Variants in ZNF397 observed in about 807,000 individuals in gnomAD.
ZNF397 encodes zinc finger and SCAN domain-containing protein 15.
In ZNF397, 38 loss-of-function variants were observed where a neutral mutation model predicts 50.6. The observed-to-expected ratio is 0.75, with a 90% CI of 0.58 to 0.98. The LOEUF (loss-of-function observed/expected upper bound fraction) is 0.98, where lower values mean the gene tolerates loss of function less well. ZNF397 is among the 50% of genes least tolerant of loss of function. The pLI is 0.00. For synonymous variants in ZNF397, 228 were observed against 215.2 expected (o/e 1.06, Z -0.52); for missense variants, 624 against 624.1 (o/e 1.00, Z 0.00).
At chr18:35,254,459 C>T, downstream of ZNF397, 1 of 1,605,540 alleles carries the variant, frequency 6.2e-7, no homozygotes, top group Non-Finnish European at 8.5e-7. Context: ...AACACAAACT[C>T]AATGAAATAG....
At chr18:35,245,126 T>C (rs886300302) in intron 3 of ZNF397, 136 bp from the exon 4 acceptor site, 51 of 1,149,010 alleles carry the variant, frequency 4.4e-5, no homozygotes, top group Non-Finnish European at 5.8e-5. Context: ...AGACCCTCTT[T>C]TGGCCAGTTG....
intron 3 of ZNF397, 100 bp from the exon 4 acceptor site, chr18:35,245,162 A>G: frequency 7.1e-7 from 1 of 1,412,432 alleles, no homozygotes; most frequent in Non-Finnish European, 9.3e-7. Flanking sequence ...GAGGACAGTG[A>G]CATCTTTGTA....
chr18:35,242,978 A>G (rs1055950196), intron 2 of ZNF397, 94 bp downstream of exon 2: 5 of 1,500,118 alleles, frequency 3.3e-6, no homozygotes, highest in Non-Finnish European at 3.6e-6. Flanking sequence ...TTATGTCTCT[A>G]CTGAACCCTA....
chr18:35,243,408 T>C (rs1347888193), intron 3 of ZNF397, 115 bp downstream of exon 3: 1 of 1,501,940 alleles, frequency 6.7e-7, no homozygotes, highest in Admixed American at 1.7e-5. Flanking sequence ...TTTATTATTC[T>C]AAACCAGAGG....
rs768974208 is a variant in ZNF397 at position 35,246,046 on chromosome 18, T to C, written c.1341T>C (p.His447=). The C allele has an allele frequency of 4.5e-6, 7 of 1,564,164 alleles. No homozygotes were observed. Among genetic ancestry groups the C allele is most frequent in the African/African-American group, 4.1e-5 (3 of 73,294 alleles). ...SSELITHQRI[H]SGEKPYECSE... is the part of the protein sequence containing the mutation. ...AGCTGATTACTCATCAGAGAATACA[T>C]AGTGGAGAGAAACCCTATGAATGTA... Residue 447 remains histidine, a synonymous_variant, in exon 4 of 4, where the codon CAT becomes CAC. Transcript: ENST00000330501.
In ZNF397 at chr18:35,245,278, AAC is replaced by A; in HGVS notation, c.575_576del (p.Thr192SerfsTer24). On this transcript the variant is annotated frameshift_variant, in exon 4 of 4. Transcript: ENST00000330501. LOFTEE classifies it high-confidence loss of function. The part of the protein sequence containing the change: ...SPKSDCENSE[T>X]ATKEGISEEK... ...TTGTTTCAGATTGTGAGAACAGTGA[AAC>A]AGCAACAAAAGAGGGCATCTCAGAA... The A allele has an allele frequency of 6.2e-7, 1 of 1,603,908 alleles. No homozygotes were observed. The highest frequency in any genetic ancestry group is 8.5e-7 in the Non-Finnish European group (1 of 1,173,558).
chr18:35,246,632 G>C lies in ZNF397; in HGVS notation c.*322G>C, dbSNP rs1459295670. The stretch of plus-strand genomic sequence containing the variant: ...TCATGAATATAGCAACCCAGGCTCT[G>C]TCACTGCATCTGATTGTTAGTGTGC... On this transcript the variant is annotated 3_prime_UTR_variant, in exon 4 of 4. Transcript: ENST00000330501. 3 of 1,063,388 alleles carry C rather than the reference G, an allele frequency of 2.8e-6. No individual in the cohort carries two copies. Among genetic ancestry groups the C allele is most frequent in the African/African-American group, 3.4e-5 (2 of 58,834 alleles). The allele number at this position is 1,063,388 out of a possible 1,614,324, so 65.9% of individuals were successfully genotyped here. A position where few individuals can be genotyped will look rare whatever the true frequency, so the allele number is the denominator to read the frequency against.
In ZNF397 at chr18:35,245,314, A is replaced by G; in HGVS notation, c.609A>G (p.Ser203=). ...ATKEGISEEK[S]QGLPQEPSFR... is the part of the protein sequence containing the mutation. ...AAGAGGGCATCTCAGAAGAAAAATC[A>G]CAGGGACTCCCTCAGGAACCTTCAT... The change falls in exon 4 of 4, where the codon TCA becomes TCG. Residue 203 remains serine (S), a synonymous_variant. Transcript: ENST00000330501. 3.1e-6 allele frequency: 5 copies of G among 1,612,670 alleles called. No individual in the cohort carries two copies. Among genetic ancestry groups the G allele is most frequent in the Non-Finnish European group, 4.2e-6 (5 of 1,179,082 alleles).
Position 35,246,151 on chromosome 18 carries a change from G to A in ZNF397, c.1446G>A (p.Gln482=). Residue 482 remains glutamine, a synonymous_variant, in exon 4 of 4, where the codon CAG becomes CAA. Transcript: ENST00000330501. ...TTCATAGTGGGGAGGAACCTTATCA[G>A]TGTAATGAATGTGGCAAAACTTTCA... ...QRIHSGEEPY[Q]CNECGKTFKR... 1.3e-6 allele frequency: 2 copies of A among 1,551,212 alleles called. No homozygotes were observed. The highest frequency in any genetic ancestry group is 1.7e-6 in the Non-Finnish European group (2 of 1,146,538).
At chr18:35,253,254 G>T (rs2043658912), downstream of ZNF397, 2 of 464,988 alleles carry the variant, frequency 4.3e-6, no homozygotes, top group African/African-American at 2.0e-5. Context: ...TTTTGGAGAA[G>T]ACTTGGGTAA....
chr18:35,244,918 G>C (rs1912820371), intron 3 of ZNF397, among the ~76,000 whole-genome samples: 1 of 152,160 alleles, frequency 6.6e-6, no homozygotes, highest in African/African-American at 2.4e-5. Context: ...GCTTGAGGGA[G>C]ATATGTAGGC....
chr18:35,245,252 A>T lies in ZNF397; in HGVS notation c.557-10A>T, dbSNP rs764790152. 12 of 1,571,420 alleles carry T rather than the reference A, an allele frequency of 7.6e-6. No individual in the cohort carries two copies. The Admixed American group carries it at 1.2e-4, about 15-fold the overall frequency. On this transcript the variant is annotated splice_polypyrimidine_tract_variant and intron_variant, in intron 3 of 3. Transcript: ENST00000330501. ...TGTAATATCTGTTTTTTTGCTACTT[A>T]TTGTTTCAGATTGTGAGAACAGTGA... is the stretch of plus-strand genomic sequence containing the variant.
At chr18:35,258,136 T>G (rs2043903349) in exon 6 of ZNF397, 1 of 632,916 alleles carries the variant, frequency 1.6e-6, no homozygotes, top group Admixed American at 2.6e-5. Flanking sequence ...GTGAAAGCTG[T>G]GAAAGGATCC....
In ZNF397 at chr18:35,246,051, G is replaced by A; in HGVS notation, c.1346G>A (p.Gly449Glu). 1 of 1,563,446 alleles carries A rather than the reference G, an allele frequency of 6.4e-7. No individual in the cohort carries two copies. Among genetic ancestry groups the A allele is most frequent in the Non-Finnish European group, 8.7e-7 (1 of 1,153,932 alleles). The change falls in exon 4 of 4, where the codon GGA becomes GAA. Residue 449 changes from glycine (G) to glutamate (E), a missense_variant. Coordinates refer to ENST00000330501, the MANE Select transcript of ZNF397 (RefSeq NM_001135178.3). ...ELITHQRIHS[G>E]EKPYECSECG... The stretch of plus-strand genomic sequence containing the variant: ...ATTACTCATCAGAGAATACATAGTG[G>A]AGAGAAACCCTATGAATGTAGTGAA...
At chr18:35,243,594 C>G (rs991739233) in intron 3 of ZNF397, 1 of 595,352 alleles carries the variant, frequency 1.7e-6, no homozygotes, top group Non-Finnish European at 3.0e-6. Context: ...GGGTGATGGA[C>G]AAATAAAAAG....
downstream of ZNF397, among the ~76,000 whole-genome samples, chr18:35,250,857 A>G (rs1051406285): frequency 6.6e-6 from 1 of 152,164 alleles, no homozygotes; most frequent in Non-Finnish European, 1.5e-5. Flanking sequence ...AACAACAACT[A>G]AATCTCAGAT....
chr18:35,255,123 ACTCCTTCTTTGAGCATTTATAC>A (rs1040205386), intron 5 of ZNF397: 2 of 151,330 alleles, frequency 1.3e-5, no homozygotes, highest in Non-Finnish European at 2.9e-5. Flanking sequence ...GATGGAGACA[ACTCCTTCTTTGAGCATTTATAC>A]CTAAAAACAT....
chr18:35,251,171 T>C (rs2043579082), downstream of ZNF397: 1 of 152,150 alleles, frequency 6.6e-6, no homozygotes, highest in African/African-American at 2.4e-5. Flanking sequence ...TAAACAGTAG[T>C]TTTACTAAAA....
chr18:35,241,952 T>TA (rs34584752), intron 1 of ZNF397, among the ~76,000 whole-genome samples: 3 of 152,340 alleles, frequency 2.0e-5, no homozygotes, highest in Non-Finnish European at 4.4e-5. Flanking sequence ...AATAAATGTT[T>TA]AAAATCAGTA....
Sources: allele counts gnomAD v4.1 joint callset (sites outside exome capture counted in the v4.1 genomes callset), GRCh38; gene constraint gnomAD v4.1.1; transcripts MANE v1.5; gene names NCBI Gene and HGNC (gene_info 2026-07-23, HGNC 2026-07-21).